PIGL: variants seen among roughly 807,000 people sequenced by gnomAD.
PIGL encodes phosphatidylinositol glycan anchor biosynthesis class L, also known as N-acetylglucosaminyl-phosphatidylinositol de-N-acetylase.
In PIGL, 22 loss-of-function variants were observed where a neutral mutation model predicts 31.1. The ratio of observed to expected loss-of-function variants is 0.71; its 90% CI spans 0.51 to 1.01. PIGL has a LOEUF of 1.01. PIGL is among the 50% of genes least tolerant of loss of function. The probability of loss-of-function intolerance (pLI) is 0.00; values close to 1 mark genes in which losing one functional copy is unlikely to be tolerated. For synonymous variants in PIGL, 131 were observed against 117.4 expected (o/e 1.12, Z -0.75); for missense variants, 302 against 315.9 (o/e 0.96, Z 0.33).
In PIGL at chr17:16,278,207, C is replaced by T. The variant is rs550679949; in HGVS notation, c.336-21681C>T. Among the ~76,000 whole-genome samples the T allele has an allele frequency of 6.6e-5, 10 of 152,258 alleles. No homozygotes were observed. The South Asian group carries it at 2.1e-3, about 32-fold the overall frequency. ...AGTAACTGGGATTACAAGTGTGAGC[C>T]ACCACGCCTGGCTAATTTTTGTATT... is the stretch of plus-strand genomic sequence containing the variant. On this transcript the variant is annotated intron_variant, in intron 2 of 6. Transcript: ENST00000225609.
intron 2 of PIGL, among the ~76,000 whole-genome samples, chr17:16,235,745 G>A (rs1352471034): frequency 2.8e-5 from 4 of 140,788 alleles, no homozygotes; most frequent in Non-Finnish European, 6.1e-5. Flanking sequence ...GAACCACTGT[G>A]TCCGGTCTTT....
intron 2 of PIGL, among the ~76,000 whole-genome samples, chr17:16,284,424 C>T (rs2092929124): frequency 6.6e-6 from 1 of 152,210 alleles, no homozygotes; most frequent in South Asian, 2.1e-4. Flanking sequence ...CAAAACAAAT[C>T]TCCTTCTTGC....
chr17:16,258,069 A>AAG (rs749459552), intron 2 of PIGL, among the ~76,000 whole-genome samples: 3,608 of 90,486 alleles, frequency 0.04, 159 homozygotes, highest in African/African-American at 0.088. Flanking sequence ...GTCAGAAAGA[A>AAG]AGAGAGAGAG....
intron 2 of PIGL, among the ~76,000 whole-genome samples, chr17:16,257,349 G>A (rs1337342598): frequency 1.3e-5 from 2 of 152,042 alleles, no homozygotes; most frequent in South Asian, 2.1e-4. Flanking sequence ...CCCAGGAGGC[G>A]GAGGTTGCAG....
At chr17:16,289,350 G>A (rs569742429) in intron 2 of PIGL, among the ~76,000 whole-genome samples, 8 of 152,302 alleles carry the variant, frequency 5.3e-5, no homozygotes, top group African/African-American at 7.2e-5. Flanking sequence ...AGTTATCTTC[G>A]TCCTGCACCA....
chr17:16,316,796 G>T, intron 5 of PIGL, 84 bp downstream of exon 5: 2 of 1,589,766 alleles, frequency 1.3e-6, no homozygotes, highest in South Asian at 1.1e-5. Flanking sequence ...AATCCACAGA[G>T]AGCTGCCCTC....
intron 2 of PIGL, among the ~76,000 whole-genome samples, chr17:16,238,803 T>C (rs1195731765): frequency 6.8e-6 from 1 of 146,272 alleles, no homozygotes; most frequent in Middle Eastern, 3.5e-3. Context: ...CAGCTACTCA[T>C]GAGGCTGAGG....
intron 1 of PIGL, among the ~76,000 whole-genome samples, chr17:16,229,342 A>G (rs1374307933): frequency 1.3e-5 from 2 of 151,848 alleles, no homozygotes; most frequent in Non-Finnish European, 2.9e-5. Flanking sequence ...ACATACATAT[A>G]TATATGTATG....
intron 3 of PIGL, among the ~76,000 whole-genome samples, chr17:16,311,455 G>A: frequency 7.2e-5 from 1 of 13,884 alleles, no homozygotes; most frequent in African/African-American, 3.4e-4. Context: ...CCAAAGCACA[G>A]AGGTTTTCTT....
Position 16,290,500 on chromosome 17 carries a change from C to T in PIGL, c.336-9388C>T, listed in dbSNP as rs564908508. On this transcript the variant is annotated intron_variant, in intron 2 of 6. Coordinates refer to ENST00000225609, the MANE Select transcript of PIGL (RefSeq NM_004278.4). ...TCTTGATCTCCCAGGCTCAAGTGAT[C>T]CTTATGCCTCAGCCTCCCAAGTAGT... 7.8e-4 allele frequency among the ~76,000 whole-genome samples: 118 copies of T among 151,422 alleles called. 1 individual carries two copies. The highest frequency in any genetic ancestry group is 1.6e-3 in the Non-Finnish European group (106 of 67,872).
At chr17:16,317,980 C>T (rs1475202295) in intron 6 of PIGL, 72 bp downstream of exon 6, 4 of 1,331,638 alleles carry the variant, frequency 3.0e-6, no homozygotes, top group Non-Finnish European at 3.2e-6. Flanking sequence ...CAAAGCCCCA[C>T]CTCTGCAGAA....
At chr17:16,300,021 C>A in intron 3 of PIGL, 43 bp downstream of exon 3, 1 of 1,431,356 alleles carries the variant, frequency 7.0e-7, no homozygotes, top group Non-Finnish European at 9.9e-7. Context: ...AGGTCTTGGT[C>A]CCATTCACAC....
rs545820612 is a variant in PIGL at position 16,315,113 on chromosome 17, C to T, written c.494+1499C>T. On this transcript the variant is annotated intron_variant, in intron 4 of 6. Coordinates refer to ENST00000225609, the MANE Select transcript of PIGL (RefSeq NM_004278.4). ...TGGAGAAAATAGAGAAGGCGTCATTCTGGGCAGAGAAAGAACCCAAGGGGA... is the reference window on the plus strand; with the variant it reads ...TGGAGAAAATAGAGAAGGCGTCATTTTGGGCAGAGAAAGAACCCAAGGGGA... 2.0e-5 allele frequency among the ~76,000 whole-genome samples: 3 copies of T among 152,304 alleles called. No individual in the cohort carries two copies. The South Asian group carries it at 6.2e-4, about 32-fold the overall frequency.
intron 2 of PIGL, among the ~76,000 whole-genome samples, chr17:16,287,150 G>A (rs1404332209): frequency 6.6e-6 from 1 of 152,210 alleles, no homozygotes; most frequent in Non-Finnish European, 1.5e-5. Context: ...CGCAGGCACC[G>A]AGAAGCCGCA....
At chr17:16,306,461 A>C (rs2093026537) in intron 3 of PIGL, among the ~76,000 whole-genome samples, 1 of 142,032 alleles carries the variant, frequency 7.0e-6, no homozygotes, top group African/African-American at 2.6e-5. Context: ...CCACCACCCC[A>C]CCACCCACCT....
At chr17:16,267,308 T>C (rs2092848358) in intron 2 of PIGL, among the ~76,000 whole-genome samples, 1 of 152,074 alleles carries the variant, frequency 6.6e-6, no homozygotes, top group South Asian at 2.1e-4. Context: ...GTCTTCACAT[T>C]GAGTAGGCTA....
intron 2 of PIGL, among the ~76,000 whole-genome samples, chr17:16,255,760 C>T (rs1327120462): frequency 3.3e-5 from 5 of 152,200 alleles, no homozygotes; most frequent in African/African-American, 1.2e-4. Flanking sequence ...TCTCCAAATA[C>T]ACAAAGAAGT....
chr17:16,302,033 G>T (rs1300074340), intron 3 of PIGL, among the ~76,000 whole-genome samples: 1 of 152,024 alleles, frequency 6.6e-6, no homozygotes, highest in East Asian at 1.9e-4. Flanking sequence ...ATATTCATTG[G>T]ACTGTTTCTG....
At chr17:16,294,317 C>T (rs942019002) in intron 2 of PIGL, among the ~76,000 whole-genome samples, 2 of 152,152 alleles carry the variant, frequency 1.3e-5, no homozygotes, top group African/African-American at 4.8e-5. Context: ...ATTGCCTGCT[C>T]GTGACACTGG....
Sources: gnomAD v4.1 joint callset for allele counts (sites outside exome capture counted in the v4.1 genomes callset) on GRCh38, gnomAD v4.1.1 for gene constraint, MANE v1.5 for transcripts, NCBI Gene and HGNC (gene_info 2026-07-23, HGNC 2026-07-21) for gene names.